Variants in MDC1 observed in about 807,000 individuals in gnomAD.
MDC1 encodes the protein mediator of DNA damage checkpoint 1, also known as mediator of DNA damage checkpoint protein 1.
Under a neutral mutation model 142.5 loss-of-function variants are expected in MDC1, and 81 were observed. The observed-to-expected ratio is 0.57, with a 90% CI of 0.47 to 0.68. The LOEUF is 0.68. Among genes scored for constraint, MDC1 ranks in the 30% least tolerant of loss-of-function variants. The pLI is 0.00. For missense variants in MDC1, 2,119 were observed against 2,547.9 expected, an observed-to-expected ratio of 0.83 and a Z score of 3.62; for synonymous variants, 797 against 968.4, an observed-to-expected ratio of 0.82 and a Z score of 3.29.
chr6:30,715,095 G>A lies in MDC1; in HGVS notation c.81C>T (p.Asn27=), dbSNP rs61736665. ...TEQSSESLRC[N]VEPVGRLHIF... ...TATGTAGCCGCCCTACTGGCTCCAC[G>A]TTACACCTCAAGGATTCACTGGATT... The change falls in exon 2 of 15, where the codon AAC becomes AAT. Residue 27 remains asparagine, a synonymous_variant. Coordinates refer to ENST00000376406, the MANE Select transcript of MDC1 (RefSeq NM_014641.3). The surrounding 1 kb of genome is among the most constrained non-coding windows in gnomAD (Gnocchi z 4.1). The A allele has an allele frequency of 1.4e-3, 2,254 of 1,614,080 alleles. 26 individuals are homozygous for A. In the African/African-American group the frequency reaches 0.022, roughly 16 times the overall value.
Position 30,706,067 on chromosome 6 carries a change from G to A in MDC1, c.3116C>T (p.Pro1039Leu), listed in dbSNP as rs1773745648. Residue 1039 changes from proline to leucine, a missense_variant, in exon 10 of 15, where the codon CCT becomes CTT. Coordinates refer to ENST00000376406, the MANE Select transcript of MDC1 (RefSeq NM_014641.3). ...GDQESPDACL[P>L]PTVPEAPAPP... ...GGCTGGGGCTTCAGGTACTGTAGGA[G>A]GCAGACAAGCATCTGGAGATTCCTG... 3.8e-6 allele frequency: 6 copies of A among 1,595,042 alleles called. No homozygotes were observed. The highest frequency in any genetic ancestry group is 5.1e-6 in the Non-Finnish European group (6 of 1,177,660).
Position 30,715,129 on chromosome 6 carries a change from T to C in MDC1, c.47A>G (p.Glu16Gly). The change falls in exon 2 of 15, where the codon GAG becomes GGG. Residue 16 changes from glutamate (E) to glycine (G), a missense_variant. Physicochemically the swap from Glu to Gly is moderately conservative, Grantham distance 98. Coordinates refer to ENST00000376406, the MANE Select transcript of MDC1 (RefSeq NM_014641.3). The surrounding 1 kb of genome is among the most constrained non-coding windows in gnomAD (Gnocchi z 4.1). ...CAAGGATTCACTGGATTGCTCTGTC[T>C]CCTCCTCTTCTTCAACATCCCAGTC... is the stretch of plus-strand genomic sequence containing the variant. ...AIDWDVEEEEETEQSSESLRC... is the reference protein window; with the variant it reads ...AIDWDVEEEEGTEQSSESLRC... 1 of 1,614,188 alleles carries C rather than the reference T, an allele frequency of 6.2e-7. No homozygotes were observed.
At position 30,704,286 on chromosome 6, in the gene MDC1, G is replaced by A. The variant is rs1437663975; in HGVS notation, c.4897C>T (p.Leu1633Phe). The A allele has an allele frequency of 1.1e-5, 18 of 1,613,504 alleles. No individual in the cohort carries two copies. The highest frequency in any genetic ancestry group is 1.5e-5 in the Non-Finnish European group (18 of 1,179,752). ...TSTDQPVTPKLTSRATRRKTN... is the reference protein window; with the variant it reads ...TSTDQPVTPKFTSRATRRKTN... ...TTTCTCCTAGTGGCCCTAGATGTGA[G>A]CTTGGGGGTGACAGGCTGGTCTGTG... Residue 1633 changes from leucine (L) to phenylalanine (F), a missense_variant, in exon 10 of 15, where the codon CTC becomes TTC. By Grantham distance (22) the Leu-to-Phe change is conservative (BLOSUM62 0). Transcript: ENST00000376406.
At chr6:30,702,124 G>A (rs7762626) in intron 14 of MDC1, among the ~76,000 whole-genome samples, 1 of 151,442 alleles carries the variant, frequency 6.6e-6, no homozygotes, top group African/African-American at 2.4e-5. Context: ...TTAGCCGGGC[G>A]TGGTGGCGGG....
chr6:30,708,443 A>G, intron 7 of MDC1, 86 bp from the exon 8 acceptor site: 2 of 970,682 alleles, frequency 2.1e-6, no homozygotes, highest in Non-Finnish European at 3.1e-6. Context: ...AGGTTGACAT[A>G]ATAAATATGA....
rs760626352 is a variant in MDC1 at position 30,702,549 on chromosome 6, A to G, written c.6102+4T>C. ...CACCCAGACCCAGAACATCCTAAGC[A>G]TACCTTATAGGACCGAGGCATGCTG... On this transcript the variant is annotated splice_donor_region_variant and intron_variant, in intron 14 of 14. Transcript: ENST00000376406. 20 of 1,560,560 alleles carry G rather than the reference A, an allele frequency of 1.3e-5. No individual in the cohort carries two copies. Among genetic ancestry groups the G allele is most frequent in the Non-Finnish European group, 4.3e-6 (5 of 1,156,548 alleles).
intron 13 of MDC1, 26 bp from the exon 14 acceptor site, chr6:30,702,689 G>T: frequency 6.2e-7 from 1 of 1,612,112 alleles, no homozygotes; most frequent in Non-Finnish European, 8.5e-7. Flanking sequence ...GATGGAGATG[G>T]TATTGTAGAT....
intron 7 of MDC1, among the ~76,000 whole-genome samples, chr6:30,710,326 T>G (rs1044699517): frequency 1.3e-5 from 2 of 152,190 alleles, no homozygotes; most frequent in Non-Finnish European, 2.9e-5. Flanking sequence ...TGACCTCATG[T>G]GATCCACCCA....
chr6:30,700,560 G>A lies in MDC1; in HGVS notation c.6175C>T (p.Leu2059Phe). ...CSIPLRVGLP[L>F]LSPEFLLTGV... ...GTCAGCAGGAACTCAGGCGAGAGGA[G>A]GGGCAGCCCAACCCGTAGTGGAATG... Residue 2059 changes from leucine to phenylalanine, a missense_variant, in exon 15 of 15, where the codon CTC (leucine) becomes TTC (phenylalanine). By Grantham distance (22) the Leu-to-Phe change is conservative. Coordinates refer to ENST00000376406, the MANE Select transcript of MDC1 (RefSeq NM_014641.3). 6.2e-7 allele frequency: 1 copy of A among 1,612,958 alleles called. No homozygotes were observed.
In MDC1 at chr6:30,702,775, C is replaced by A; in HGVS notation, c.5968G>T (p.Ala1990Ser). ...ACCTCTAGCAGCCTTCGCTCCCGAGCCCTGCTCAGTGCGTCTTGAAGGCTA... is the reference window on the plus strand; with the variant it reads ...ACCTCTAGCAGCCTTCGCTCCCGAGACCTGCTCAGTGCGTCTTGAAGGCTA... ...GFSLQDALSRARERRLLEGYE... is the reference protein window; with the variant it reads ...GFSLQDALSRSRERRLLEGYE... The change falls in exon 13 of 15, where the codon GCT becomes TCT. Residue 1990 changes from alanine (A) to serine (S), a missense_variant. Coordinates refer to ENST00000376406, the MANE Select transcript of MDC1 (RefSeq NM_014641.3). 1.2e-6 allele frequency: 2 copies of A among 1,613,162 alleles called. No homozygotes were observed. The highest frequency in any genetic ancestry group is 1.7e-6 in the Non-Finnish European group (2 of 1,180,044).
chr6:30,704,756 C>T lies in MDC1; in HGVS notation c.4427G>A (p.Gly1476Glu), dbSNP rs768793223. Residue 1476 changes from glycine to glutamate, a missense_variant, in exon 10 of 15, where the codon GGA becomes GAA. Gly to Glu is a moderately conservative substitution (Grantham distance 98). Coordinates refer to ENST00000376406, the MANE Select transcript of MDC1 (RefSeq NM_014641.3). ...TPEPTSQATR[G>E]RTDRSSVKTP... ...CTTGACAGAGGATCTATCTGTTCTT[C>T]CCCTAGTAGCCTGAGACGTAGGCTC... 2.5e-6 allele frequency: 4 copies of T among 1,611,148 alleles called. No homozygotes were observed. The highest frequency in any genetic ancestry group is 1.7e-5 in the Admixed American group (1 of 59,712).
intron 7 of MDC1, among the ~76,000 whole-genome samples, chr6:30,708,871 A>C (rs1459412616): frequency 6.6e-6 from 1 of 151,346 alleles, no homozygotes; most frequent in Non-Finnish European, 1.5e-5. Flanking sequence ...AAAAAAAAAA[A>C]AAAAACCCAA....
chr6:30,700,852 C>T (rs1375517662), intron 14 of MDC1, among the ~76,000 whole-genome samples: 1 of 142,352 alleles, frequency 7.0e-6, no homozygotes, highest in African/African-American at 2.6e-5. Flanking sequence ...GGGTGGATCA[C>T]GAGGTCAGGA....
In MDC1 at chr6:30,707,321, A is replaced by G. The variant is rs888590719; in HGVS notation, c.3084+63T>C. 21 of 1,504,122 alleles carry G rather than the reference A, an allele frequency of 1.4e-5. No homozygotes were observed. In the African/African-American group the frequency reaches 1.7e-4, roughly 12 times the overall value. The allele number at this position is 1,504,122 out of a possible 1,614,324, so 93.2% of individuals were successfully genotyped here. A position where few individuals can be genotyped will look rare whatever the true frequency, so the allele number is the denominator to read the frequency against. ...AATAGATTAAAGTGAGGCTAGGTGA[A>G]AGAGCATTGGAGAAGATATAGAGAT... On this transcript the variant is annotated intron_variant, in intron 9 of 14. Transcript: ENST00000376406.
rs761256183 is a variant in MDC1 at position 30,705,490 on chromosome 6, T to G, written c.3693A>C (p.Arg1231Ser). ...SEPTSQATRG[R>S]KNRSSVKTPE... ...GGGTCTTGACAGAGGATCTATTTTT[T>G]CTTCCCCTAGTAGCCTGAGAGGTGG... is the stretch of plus-strand genomic sequence containing the variant. The change falls in exon 10 of 15, where the codon AGA becomes AGC. Residue 1231 changes from arginine (R) to serine (S), a missense_variant. Transcript: ENST00000376406. 15 of 1,595,470 alleles carry G rather than the reference T, an allele frequency of 9.4e-6. No homozygotes were observed. Among genetic ancestry groups the G allele is most frequent in the Non-Finnish European group, 1.3e-5 (15 of 1,173,998 alleles).
At position 30,714,004 on chromosome 6, in the gene MDC1, C is replaced by T. The variant is rs781334978; in HGVS notation, c.316G>A (p.Val106Ile). 6.2e-7 allele frequency: 1 copy of T among 1,612,938 alleles called. No individual in the cohort carries two copies. The highest frequency in any genetic ancestry group is 1.1e-5 in the South Asian group (1 of 91,066). The change falls in exon 3 of 15, where the codon GTT becomes ATT. Residue 106 changes from valine (V) to isoleucine (I), a missense_variant. Coordinates refer to ENST00000376406, the MANE Select transcript of MDC1 (RefSeq NM_014641.3). ...CGGTGACTCACCCCAGGGCTCAAAA[C>T]CTTAGGAGGTCTCAGGATTTGAGTA... is the stretch of plus-strand genomic sequence containing the variant. ...NGTQILRPPK[V>I]LSPGVSHRLR... is the part of the protein sequence containing the mutation.
At position 30,703,389 on chromosome 6, in the gene MDC1, C is replaced by T. The variant is rs1163348413; in HGVS notation, c.5682+29G>A. On this transcript the variant is annotated intron_variant, in intron 11 of 14. Coordinates refer to ENST00000376406, the MANE Select transcript of MDC1 (RefSeq NM_014641.3). This position sits in a 1 kb window ranked among gnomAD's most constrained non-coding sequence, Gnocchi z 4.4. ...TGCATCCTCCCCTCATCTCTGTCTC[C>T]CACAAAGTCCCATGCCTTTGTCTCT... 4.3e-6 allele frequency: 7 copies of T among 1,613,444 alleles called. No individual in the cohort carries two copies. In the African/African-American group the frequency reaches 9.3e-5, roughly 22 times the overall value.
At chr6:30,711,644 TC>T in intron 6 of MDC1, 22 bp downstream of exon 6, 1 of 1,612,374 alleles carries the variant, frequency 6.2e-7, no homozygotes. Context: ...GGTACAGGAT[TC>T]AAATAACACA....
At position 30,715,012 on chromosome 6, in the gene MDC1, A is replaced by G; in HGVS notation, c.136+28T>C. On this transcript the variant is annotated intron_variant, in intron 2 of 14. Coordinates refer to ENST00000376406, the MANE Select transcript of MDC1 (RefSeq NM_014641.3). This position sits in a 1 kb window ranked among gnomAD's most constrained non-coding sequence, Gnocchi z 4.1. The stretch of plus-strand genomic sequence containing the variant: ...ACCACAAAAATAAAAGATCTATATC[A>G]ATACTTGAACATCCAATACCCTCTG... 6.2e-7 allele frequency: 1 copy of G among 1,612,386 alleles called. No individual in the cohort carries two copies. Among genetic ancestry groups the G allele is most frequent in the Non-Finnish European group, 8.5e-7 (1 of 1,178,482 alleles).
Sources: allele counts gnomAD v4.1 joint callset (sites outside exome capture counted in the v4.1 genomes callset), GRCh38; gene constraint gnomAD v4.1.1; non-coding constraint Gnocchi (gnomAD v3.1); transcripts MANE v1.5; gene names NCBI Gene and HGNC (gene_info 2026-07-23, HGNC 2026-07-21).